The following CSMD1 variants were observed in gnomAD, a reference collection of about 807,000 sequenced individuals.
The protein encoded by CSMD1 is CUB and Sushi multiple domains 1, also known as CUB and sushi domain-containing protein 1.
A neutral mutation model predicts 417.5 loss-of-function variants in CSMD1; 213 were observed. The ratio of observed to expected loss-of-function variants is 0.51; its 90% CI spans 0.46 to 0.57. The LOEUF (loss-of-function observed/expected upper bound fraction) is 0.57, where lower values mean the gene tolerates loss of function less well. Ranked by LOEUF, CSMD1 falls within the 20% of genes least tolerant of loss-of-function variation. CSMD1 has a pLI of 0.00. For synonymous variants in CSMD1, 2,862 were observed against 1,736.8 expected (o/e 1.65, Z -16.11); for missense variants, 6,923 against 4,529.7 (o/e 1.53, Z -15.17).
At chr8:4,042,611 G>C (rs1019182471) in intron 3 of CSMD1, among the ~76,000 whole-genome samples, 1 of 151,746 alleles carries the variant, frequency 6.6e-6, no homozygotes, top group South Asian at 2.1e-4. Flanking sequence ...AATGATACCC[G>C]TATGGGGAAT....
At chr8:3,688,651 GTGAAA>G (rs1585078483) in intron 7 of CSMD1, among the ~76,000 whole-genome samples, 1 of 152,168 alleles carries the variant, frequency 6.6e-6, no homozygotes, top group Non-Finnish European at 1.5e-5. Flanking sequence ...AGATTTTTCA[GTGAAA>G]TGAAATTTCG....
At chr8:4,606,058 T>C (rs1276632237) in intron 2 of CSMD1, among the ~76,000 whole-genome samples, 1 of 152,140 alleles carries the variant, frequency 6.6e-6, no homozygotes, top group Non-Finnish European at 1.5e-5. Flanking sequence ...TTTGGAAGCC[T>C]GAGAAGGATG....
At chr8:4,503,820 G>A (rs1160890282) in intron 2 of CSMD1, among the ~76,000 whole-genome samples, 2 of 151,968 alleles carry the variant, frequency 1.3e-5, no homozygotes, top group African/African-American at 2.4e-5. Flanking sequence ...ACCTATGTGC[G>A]GCTTTTAAAA....
At chr8:3,424,836 T>A (rs1452563417) in intron 12 of CSMD1, among the ~76,000 whole-genome samples, 1 of 152,184 alleles carries the variant, frequency 6.6e-6, no homozygotes, top group Non-Finnish European at 1.5e-5. Flanking sequence ...ATCATTCTAT[T>A]TTTTTAAATA....
At chr8:3,846,229 T>A (rs1308598234) in intron 5 of CSMD1, among the ~76,000 whole-genome samples, 1 of 152,154 alleles carries the variant, frequency 6.6e-6, no homozygotes, top group Non-Finnish European at 1.5e-5. Flanking sequence ...ACCAGCATCA[T>A]CACAGATACG....
Position 3,479,970 on chromosome 8 carries a change from C to T in CSMD1, c.1449-11146G>A, listed in dbSNP as rs576334859. 1.9e-3 allele frequency among the ~76,000 whole-genome samples: 288 copies of T among 152,158 alleles called. 1 individual carries two copies. Among genetic ancestry groups the T allele is most frequent in the Non-Finnish European group, 3.1e-3 (211 of 68,010 alleles). ...AGAAAACTAAAAATAGCTAGATTTG[C>T]TTAATATTAAAATTGAAATGAGCAA... On this transcript the variant is annotated intron_variant, in intron 11 of 69. Coordinates refer to ENST00000635120, the MANE Select transcript of CSMD1 (RefSeq NM_033225.6).
At chr8:4,913,242 A>T (rs1805823211) in intron 1 of CSMD1, among the ~76,000 whole-genome samples, 5 of 152,166 alleles carry the variant, frequency 3.3e-5, no homozygotes. Context: ...CCGTCACGCA[A>T]CACAAGTTGT....
At chr8:4,721,888 G>T (rs981499581) in intron 1 of CSMD1, among the ~76,000 whole-genome samples, 8 of 152,250 alleles carry the variant, frequency 5.3e-5, no homozygotes, top group African/African-American at 1.9e-4. Context: ...GGATGAAACT[G>T]AAGGGCATTA....
At chr8:4,139,731 T>G (rs1343076197) in intron 3 of CSMD1, among the ~76,000 whole-genome samples, 3 of 151,048 alleles carry the variant, frequency 2.0e-5, no homozygotes, top group Non-Finnish European at 4.4e-5. Flanking sequence ...GATGCTTGAG[T>G]AGATGAGTAC....
intron 25 of CSMD1, 132 bp downstream of exon 25, chr8:3,307,563 G>T: frequency 9.2e-7 from 1 of 1,084,956 alleles, no homozygotes; most frequent in Non-Finnish European, 1.3e-6. Flanking sequence ...AAAACTTTTA[G>T]CTACAGCTTT....
At chr8:4,591,348 A>G (rs530128678) in intron 2 of CSMD1, among the ~76,000 whole-genome samples, 2 of 152,380 alleles carry the variant, frequency 1.3e-5, no homozygotes, top group East Asian at 3.9e-4. Flanking sequence ...CAAAATTCAC[A>G]GACAAACTAG....
At chr8:4,400,310 C>G (rs1439850841) in intron 3 of CSMD1, among the ~76,000 whole-genome samples, 2 of 152,218 alleles carry the variant, frequency 1.3e-5, no homozygotes, top group East Asian at 1.9e-4. Context: ...TTTCGCAGTT[C>G]CTGGTCCCAT....
In CSMD1 at chr8:4,209,453, C is replaced by A. The variant is rs536468671; in HGVS notation, c.416-177354G>T. On this transcript the variant is annotated intron_variant, in intron 3 of 69. Coordinates refer to ENST00000635120, the MANE Select transcript of CSMD1 (RefSeq NM_033225.6). ...AACTCCTCATCAAGCCAAGTGAGGACATTGTCACATCTGCTAGTTCCCGAA... is the reference window on the plus strand; with the variant it reads ...AACTCCTCATCAAGCCAAGTGAGGAAATTGTCACATCTGCTAGTTCCCGAA... Among the ~76,000 whole-genome samples, 132 of 152,300 alleles carry A rather than the reference C, an allele frequency of 8.7e-4. 1 individual carries two copies. The highest frequency in any genetic ancestry group is 2.9e-3 in the African/African-American group (121 of 41,562).
At chr8:3,102,456 A>G (rs1338178400) in intron 46 of CSMD1, among the ~76,000 whole-genome samples, 1 of 152,158 alleles carries the variant, frequency 6.6e-6, no homozygotes, top group Non-Finnish European at 1.5e-5. Flanking sequence ...AGCGTGAGTA[A>G]AAGTCGGCAA....
chr8:4,015,334 C>T (rs775344306), intron 4 of CSMD1, among the ~76,000 whole-genome samples: 24 of 152,118 alleles, frequency 1.6e-4, no homozygotes, highest in Non-Finnish European at 5.9e-5. Flanking sequence ...TTCCTTCTCC[C>T]CTCTGGCTAT....
chr8:4,083,831 A>C (rs1800275815), intron 3 of CSMD1, among the ~76,000 whole-genome samples: 1 of 152,220 alleles, frequency 6.6e-6, no homozygotes, highest in Admixed American at 6.5e-5. Flanking sequence ...AAAAGCCAAA[A>C]TTGACAAATG....
chr8:3,430,083 A>G (rs1814122114), intron 12 of CSMD1, among the ~76,000 whole-genome samples: 1 of 152,228 alleles, frequency 6.6e-6, no homozygotes, highest in South Asian at 2.1e-4. Context: ...ACACATGCAT[A>G]TATACATATA....
In CSMD1 at chr8:3,468,766, G is replaced by C; in HGVS notation, c.1507C>G (p.His503Asp). ...IVSMSNQMWL[H>D]LQSDDSIGSP... is the part of the protein sequence containing the mutation. ...CCAATGCTATCATCCGACTGCAGAT[G>C]TAGCCACATCTGGTTGCTCATGCTC... The change falls in exon 12 of 70, where the codon CAT becomes GAT. Residue 503 changes from histidine to aspartate, a missense_variant. Transcript: ENST00000635120. 4 of 1,607,386 alleles carry C rather than the reference G, an allele frequency of 2.5e-6. No individual in the cohort carries two copies. Among genetic ancestry groups the C allele is most frequent in the Non-Finnish European group, 3.4e-6 (4 of 1,177,104 alleles).
chr8:3,002,955 T>C (rs1047316849), intron 52 of CSMD1, among the ~76,000 whole-genome samples: 1 of 152,226 alleles, frequency 6.6e-6, no homozygotes, highest in Admixed American at 6.5e-5. Flanking sequence ...AAAAGTTATG[T>C]ATCAGCAGGA....
Sources: gnomAD v4.1 joint callset for allele counts (sites outside exome capture counted in the v4.1 genomes callset) on GRCh38, gnomAD v4.1.1 for gene constraint, MANE v1.5 for transcripts, NCBI Gene and HGNC (gene_info 2026-07-23, HGNC 2026-07-21) for gene names.